The following NCOA1 variants were observed in gnomAD, a reference collection of about 807,000 sequenced individuals.
NCOA1 encodes the protein nuclear receptor coactivator 1.
In NCOA1, 35 loss-of-function variants were observed where a neutral mutation model predicts 150.9. The observed-to-expected ratio is 0.23, with a 90% CI of 0.18 to 0.31. The LOEUF is 0.31. NCOA1 is among the 10% of genes least tolerant of loss of function. NCOA1 has a pLI of 1.00. For synonymous variants in NCOA1, 590 were observed against 630.0 expected, an observed-to-expected ratio of 0.94 and a Z score of 0.95; for missense variants, 1,491 against 1,749.3, an observed-to-expected ratio of 0.85 and a Z score of 2.63.
At chr2:24,683,194 T>C in intron 8 of NCOA1, 66 bp downstream of exon 8, 1 of 892,058 alleles carries the variant, frequency 1.1e-6, no homozygotes, top group Non-Finnish European at 1.6e-6. Context: ...ATAATATGTA[T>C]AATATGTGAT....
intron 3 of NCOA1, among the ~76,000 whole-genome samples, chr2:24,628,693 A>C: frequency 6.6e-6 from 1 of 152,240 alleles, no homozygotes. Flanking sequence ...GAGAAGTAGA[A>C]TTTTAGCTGA....
intron 1 of NCOA1, among the ~76,000 whole-genome samples, chr2:24,494,502 C>G (rs990130447): frequency 2.6e-5 from 4 of 152,140 alleles, no homozygotes; most frequent in Non-Finnish European, 4.4e-5. Context: ...ATACAACGCA[C>G]AACACGGAGT....
At chr2:24,748,309 T>TTTTAAAATTC (rs1664040695) in intron 19 of NCOA1, among the ~76,000 whole-genome samples, 3 of 150,178 alleles carry the variant, frequency 2.0e-5, no homozygotes, top group Non-Finnish European at 3.0e-5. Flanking sequence ...TTTAAAACGG[T>TTTTAAAATTC]TTTAAAATTC....
chr2:24,602,492 C>T (rs748628912), intron 3 of NCOA1, among the ~76,000 whole-genome samples: 38 of 152,114 alleles, frequency 2.5e-4, no homozygotes, highest in Non-Finnish European at 3.5e-4. Context: ...TGTGCCACTG[C>T]GCCTGGCAAC....
At chr2:24,503,546 A>G (rs547809926) in intron 1 of NCOA1, among the ~76,000 whole-genome samples, 12 of 152,304 alleles carry the variant, frequency 7.9e-5, no homozygotes, top group Middle Eastern at 3.4e-3. Flanking sequence ...TTGCCTTTCA[A>G]GGAGATTATA....
chr2:24,705,551 G>GTTATTT (rs141604310), intron 12 of NCOA1, among the ~76,000 whole-genome samples: 4,473 of 152,100 alleles, frequency 0.029, 108 homozygotes, highest in Middle Eastern at 0.048. Flanking sequence ...TGTTAACATT[G>GTTATTT]TTATTTTTAT....
intron 22 of NCOA1, among the ~76,000 whole-genome samples, chr2:24,764,954 G>A (rs1664970888): frequency 6.6e-6 from 1 of 152,170 alleles, no homozygotes; most frequent in African/African-American, 2.4e-5. Flanking sequence ...GCCTGAGGCA[G>A]GCAAATCATT....
intron 1 of NCOA1, among the ~76,000 whole-genome samples, chr2:24,532,634 G>A (rs1029170980): frequency 1.6e-4 from 25 of 152,148 alleles, no homozygotes; most frequent in African/African-American, 6.0e-4. Context: ...TTTGTATAAG[G>A]TATAAGGAAG....
rs548950331 is a variant in NCOA1 at position 24,565,715 on chromosome 2, C to T, written c.-260+1285C>T. Among the ~76,000 whole-genome samples, 31 of 152,306 alleles carry T rather than the reference C, an allele frequency of 2.0e-4. No homozygotes were observed. In the East Asian group the frequency reaches 5.2e-3, roughly 26 times the overall value. ...GCCTGGATCCCATGCCTGCCAAGGG[C>T]GAGCGGAGCAGCAGGGGGTGTGTGA... On this transcript the variant is annotated intron_variant, in intron 2 of 22. Coordinates refer to ENST00000348332, the MANE Select transcript of NCOA1 (RefSeq NM_003743.5).
At chr2:24,522,552 G>A (rs1395067983) in intron 1 of NCOA1, among the ~76,000 whole-genome samples, 1 of 152,194 alleles carries the variant, frequency 6.6e-6, no homozygotes, top group African/African-American at 2.4e-5. Context: ...ACACCAGAGT[G>A]TACACCAGAC....
chr2:24,718,581 C>T (rs919737602), intron 14 of NCOA1, among the ~76,000 whole-genome samples: 1 of 151,846 alleles, frequency 6.6e-6, no homozygotes, highest in Non-Finnish European at 1.5e-5. Flanking sequence ...CCTGTAATCC[C>T]AACATTTTGG....
chr2:24,574,320 G>C (rs1666861093), intron 2 of NCOA1, among the ~76,000 whole-genome samples: 1 of 152,062 alleles, frequency 6.6e-6, no homozygotes, highest in Non-Finnish European at 1.5e-5. Context: ...ATTTTTGCCA[G>C]TTAATTCTTT....
At chr2:24,655,298 A>T (rs1670882839) in intron 4 of NCOA1, among the ~76,000 whole-genome samples, 1 of 152,184 alleles carries the variant, frequency 6.6e-6, no homozygotes, top group African/African-American at 2.4e-5. Flanking sequence ...TTATTTTTAA[A>T]GTCTTTTCTT....
chr2:24,690,651 C>CAAAAAAAAAAAAAAAAAAAAAAAA (rs70947837), intron 8 of NCOA1, among the ~76,000 whole-genome samples: 14 of 38,442 alleles, frequency 3.6e-4, no homozygotes, highest in Non-Finnish European at 5.0e-4. Flanking sequence ...GATTCCATCT[C>CAAAAAAAAAAAAAAAAAAAAAAAA]AAAAAAAAAA....
At chr2:24,752,759 C>T (rs1002083822) in intron 20 of NCOA1, among the ~76,000 whole-genome samples, 9 of 152,074 alleles carry the variant, frequency 5.9e-5, no homozygotes, top group African/African-American at 1.7e-4. Context: ...TCACTTTTCT[C>T]GATGTATTTA....
In NCOA1 at chr2:24,505,708, A is replaced by T. The variant is rs1460415132; in HGVS notation, c.-396+14106A>T. Among the ~76,000 whole-genome samples, 3 of 152,116 alleles carry T rather than the reference A, an allele frequency of 2.0e-5. No individual in the cohort carries two copies. In the East Asian group the frequency reaches 5.8e-4, roughly 29 times the overall value. On this transcript the variant is annotated intron_variant, in intron 1 of 22. Coordinates refer to ENST00000348332, the MANE Select transcript of NCOA1 (RefSeq NM_003743.5). ...CTTCCCTTTGGCCCAAGGGATGGGC[A>T]TGTGACTCAGGCTTGGTCTGTCATA... is the stretch of plus-strand genomic sequence containing the variant.
chr2:24,668,372 C>T (rs911405558), intron 6 of NCOA1, among the ~76,000 whole-genome samples: 1 of 151,822 alleles, frequency 6.6e-6, no homozygotes, highest in Non-Finnish European at 1.5e-5. Flanking sequence ...TAACTTATAC[C>T]AATGCACAAT....
At chr2:24,767,329 G>C (rs1665116775) in intron 22 of NCOA1, among the ~76,000 whole-genome samples, 1 of 152,190 alleles carries the variant, frequency 6.6e-6, no homozygotes, top group African/African-American at 2.4e-5. Context: ...GATGCACTTA[G>C]ATGCCTTAGA....
intron 11 of NCOA1, 79 bp from the exon 12 acceptor site, chr2:24,705,007 G>A (rs1402163217): frequency 6.8e-7 from 1 of 1,472,080 alleles, no homozygotes; most frequent in African/African-American, 1.4e-5. Flanking sequence ...GAGGTTCTAA[G>A]TAGAAATAAA....
Sources: gnomAD v4.1 joint callset for allele counts (sites outside exome capture counted in the v4.1 genomes callset) on GRCh38, gnomAD v4.1.1 for gene constraint, MANE v1.5 for transcripts, NCBI Gene and HGNC (gene_info 2026-07-23, HGNC 2026-07-21) for gene names.